The following XPO6 variants were observed in gnomAD, a reference collection of about 807,000 sequenced individuals.
The protein encoded by XPO6 is exportin-6.
Under a neutral mutation model 130.0 loss-of-function variants are expected in XPO6, and 3 were observed. The ratio of observed to expected loss-of-function variants is 0.02; its 90% CI spans 0.01 to 0.06. The LOEUF is 0.06. Among genes scored for constraint, XPO6 ranks in the 10% least tolerant of loss-of-function variants. The pLI is 1.00. For missense variants in XPO6, 970 were observed against 1,393.0 expected (o/e 0.70, Z 4.83); for synonymous variants, 524 against 548.9 (o/e 0.95, Z 0.63).
intron 9 of XPO6, among the ~76,000 whole-genome samples, chr16:28,143,985 T>C (rs183382726): frequency 1.4e-4 from 21 of 152,346 alleles, no homozygotes; most frequent in African/African-American, 4.8e-4. Flanking sequence ...CCTCAGTTTA[T>C]TCTCACAACA....
At chr16:28,158,275 A>C (rs1201374884) in intron 6 of XPO6, among the ~76,000 whole-genome samples, 4 of 152,230 alleles carry the variant, frequency 2.6e-5, no homozygotes, top group African/African-American at 9.6e-5. Flanking sequence ...CTATTTTTAA[A>C]GGAATACTAA....
Position 28,132,506 on chromosome 16 carries a change from A to T in XPO6, c.1537-103T>A. Reference sequence around the variant, plus strand: ...TTAACACGTAACTATGGTGTGAGGAACAGGATCAAAACCTTTTCTCTGGGA... The same window carrying T: ...TTAACACGTAACTATGGTGTGAGGATCAGGATCAAAACCTTTTCTCTGGGA... On this transcript the variant is annotated intron_variant, in intron 11 of 23. Transcript: ENST00000304658. This position sits in a 1 kb window ranked among gnomAD's most constrained non-coding sequence, Gnocchi z 4.0. The T allele has an allele frequency of 3.9e-6, 3 of 776,676 alleles. No individual in the cohort carries two copies. The highest frequency in any genetic ancestry group is 6.2e-6 in the Non-Finnish European group (3 of 487,412). 48.1% of individuals were successfully genotyped at this position (776,676 alleles called of 1,614,324 possible). A position where few individuals can be genotyped will look rare whatever the true frequency, so the allele number is the denominator to read the frequency against.
intron 4 of XPO6, chr16:28,173,044 A>G (rs1428306664): frequency 6.6e-6 from 1 of 152,204 alleles, no homozygotes; most frequent in African/African-American, 2.4e-5. Flanking sequence ...ACAGTATAAC[A>G]ACTATTTACA....
At chr16:28,168,943 A>G (rs1212817147) in intron 5 of XPO6, among the ~76,000 whole-genome samples, 2 of 152,140 alleles carry the variant, frequency 1.3e-5, no homozygotes, top group Non-Finnish European at 2.9e-5. Flanking sequence ...TGGTTCTTTC[A>G]GCCAACTTTA....
intron 23 of XPO6, 54 bp from the exon 24 acceptor site, chr16:28,098,693 C>T: frequency 7.6e-7 from 1 of 1,319,162 alleles, no homozygotes; most frequent in Non-Finnish European, 1.1e-6. Context: ...ACCCACCCAC[C>T]AGACCCCAAC....
chr16:28,168,932 A>C (rs1280816143), intron 5 of XPO6, among the ~76,000 whole-genome samples: 1 of 152,066 alleles, frequency 6.6e-6, no homozygotes, highest in Non-Finnish European at 1.5e-5. Flanking sequence ...CTTTAAATCA[A>C]TGGTTCTTTC....
intron 23 of XPO6, 61 bp from the exon 24 acceptor site, chr16:28,098,700 C>G: frequency 7.9e-7 from 1 of 1,273,736 alleles, no homozygotes; most frequent in Non-Finnish European, 1.1e-6. Flanking sequence ...CACCAGACCC[C>G]AACAGCTACT....
At chr16:28,123,478 G>A (rs962524024) in intron 13 of XPO6, among the ~76,000 whole-genome samples, 5 of 152,156 alleles carry the variant, frequency 3.3e-5, no homozygotes, top group African/African-American at 1.2e-4. Flanking sequence ...CCTACTCTGC[G>A]TGGAAACCTG....
At chr16:28,117,546 T>G in intron 14 of XPO6, 84 bp from the exon 15 acceptor site, 1 of 1,483,760 alleles carries the variant, frequency 6.7e-7, no homozygotes, top group Non-Finnish European at 9.2e-7. Context: ...GAGGTAAGAA[T>G]TGCATCCACT....
At chr16:28,136,819 A>C (rs945904008) in intron 9 of XPO6, among the ~76,000 whole-genome samples, 1 of 152,208 alleles carries the variant, frequency 6.6e-6, no homozygotes, top group Admixed American at 6.5e-5. Flanking sequence ...CGCTTCTAAG[A>C]TAAGTTAAGG....
chr16:28,147,733 G>A (rs868501806), intron 8 of XPO6, among the ~76,000 whole-genome samples: 11 of 152,308 alleles, frequency 7.2e-5, no homozygotes, highest in Admixed American at 2.6e-4. Context: ...ATCTCTTGAG[G>A]TCAGGAGTTT....
chr16:28,140,693 A>AAT (rs2042875310), intron 9 of XPO6, among the ~76,000 whole-genome samples: 1 of 147,782 alleles, frequency 6.8e-6, no homozygotes, highest in African/African-American at 2.5e-5. Context: ...AAAAAAAAAA[A>AAT]TTTTTTTTGA....
intron 12 of XPO6, 134 bp from the exon 13 acceptor site, chr16:28,125,982 G>T: frequency 8.9e-7 from 1 of 1,127,008 alleles, no homozygotes; most frequent in Non-Finnish European, 1.3e-6. Context: ...CAACCCACGG[G>T]CTGCTTCCCA....
chr16:28,209,960 G>A lies in XPO6; in HGVS notation c.3+1406C>T, dbSNP rs146347249. ...AAGACCAGCCTGGGGAACGTGGTGA[G>A]ACCTCATCTCCACAAAAAATTAGCC... On this transcript the variant is annotated intron_variant, in intron 1 of 23. Transcript: ENST00000304658. Among the ~76,000 whole-genome samples, 791 of 151,950 alleles carry A rather than the reference G, an allele frequency of 5.2e-3. 4 individuals carry two copies. The highest frequency in any genetic ancestry group is 0.018 in the African/African-American group (748 of 41,438).
At chr16:28,157,283 C>T (rs2043198760) in intron 6 of XPO6, among the ~76,000 whole-genome samples, 1 of 151,974 alleles carries the variant, frequency 6.6e-6, no homozygotes, top group Admixed American at 6.5e-5. Context: ...ATGGTGAAAC[C>T]CTGTCTCTAG....
chr16:28,135,417 G>T, intron 9 of XPO6, 93 bp from the exon 10 acceptor site: 1 of 980,282 alleles, frequency 1.0e-6, no homozygotes, highest in Non-Finnish European at 1.6e-6. Context: ...TGGTGTCTAT[G>T]TTGATCACCA....
intron 21 of XPO6, among the ~76,000 whole-genome samples, chr16:28,102,746 A>C (rs896752760): frequency 6.6e-6 from 1 of 152,180 alleles, no homozygotes; most frequent in African/African-American, 2.4e-5. Flanking sequence ...ATCTCAAAAA[A>C]AGAAAAAAGA....
chr16:28,158,307 TTTCA>T lies in XPO6; in HGVS notation c.644-1784_644-1781del, dbSNP rs1239419350. ...CTAAGATGTTCTTTTCCTTTTTCAC[TTTCA>T]TTATCTCCAAGTGTACAATGGAGCT... is the stretch of plus-strand genomic sequence containing the variant. On this transcript the variant is annotated intron_variant, in intron 6 of 23. Transcript: ENST00000304658. Among the ~76,000 whole-genome samples, 6 of 152,198 alleles carry T rather than the reference TTTCA, an allele frequency of 3.9e-5. No homozygotes were observed. The East Asian group carries it at 1.2e-3, about 29-fold the overall frequency.
intron 14 of XPO6, among the ~76,000 whole-genome samples, chr16:28,119,804 G>C (rs1380455297): frequency 3.3e-5 from 5 of 152,092 alleles, no homozygotes; most frequent in Non-Finnish European, 7.4e-5. Flanking sequence ...TTATTTCTAG[G>C]ATACACACAC....
Sources: allele counts gnomAD v4.1 joint callset (sites outside exome capture counted in the v4.1 genomes callset), GRCh38; gene constraint gnomAD v4.1.1; non-coding constraint Gnocchi (gnomAD v3.1); transcripts MANE v1.5; gene names NCBI Gene and HGNC (gene_info 2026-07-23, HGNC 2026-07-21).